Variants in HELZ observed in about 807,000 individuals in gnomAD.
HELZ encodes the protein helicase with zinc finger.
HELZ carries 23 observed loss-of-function variants against 218.2 expected under a neutral mutation model. The ratio of observed to expected loss-of-function variants is 0.11; its 90% confidence interval spans 0.08 to 0.15. The LOEUF is 0.15. Ranked by LOEUF, HELZ falls within the 10% of genes least tolerant of loss-of-function variation. HELZ has a pLI of 1.00. For synonymous variants in HELZ, 814 were observed against 829.4 expected (o/e 0.98, Z 0.32); for missense variants, 1,813 against 2,353.7 (o/e 0.77, Z 4.75).
intron 5 of HELZ, among the ~76,000 whole-genome samples, chr17:67,206,054 T>C (rs545388857): frequency 2.6e-5 from 4 of 152,258 alleles, no homozygotes; most frequent in East Asian, 1.9e-4. Context: ...TTGAAAAAGC[T>C]TGGGGGAAAA....
intron 13 of HELZ, among the ~76,000 whole-genome samples, chr17:67,173,846 C>T (rs1378064349): frequency 1.3e-5 from 2 of 152,022 alleles, no homozygotes; most frequent in South Asian, 2.1e-4. Context: ...ACCCATCTAA[C>T]GATGAAATGT....
intron 21 of HELZ, 22 bp from the exon 22 acceptor site, chr17:67,138,136 T>C: frequency 6.3e-7 from 1 of 1,576,040 alleles, no homozygotes. Context: ...AACACACACA[T>C]ACATATTAAA....
At chr17:67,088,849 A>T (rs115491598) in intron 31 of HELZ, among the ~76,000 whole-genome samples, 1,610 of 152,348 alleles carry the variant, frequency 0.011, 26 homozygotes, top group African/African-American at 0.035. Context: ...TCAACTAGGA[A>T]TGTAATCAGC....
chr17:67,160,650 T>C lies in HELZ; in HGVS notation c.2075+247A>G, dbSNP rs959373347. On this transcript the variant is annotated intron_variant, in intron 16 of 32. Coordinates refer to ENST00000358691, the MANE Select transcript of HELZ (RefSeq NM_014877.4). ...ATACCACAATTCCATAGCAAACTTG[T>C]TCTGATGGCTATTTAAAAACTATTT... Among the ~76,000 whole-genome samples, 11 of 152,310 alleles carry C rather than the reference T, an allele frequency of 7.2e-5. No homozygotes were observed. The South Asian group carries it at 8.3e-4, about 11-fold the overall frequency.
chr17:67,117,002 G>A (rs943735086), intron 27 of HELZ, among the ~76,000 whole-genome samples: 12 of 151,732 alleles, frequency 7.9e-5, no homozygotes, highest in Admixed American at 2.0e-4. Flanking sequence ...GATTACAGGC[G>A]TGCACCACCA....
chr17:67,227,754 T>C (rs568204108), intron 3 of HELZ, among the ~76,000 whole-genome samples: 68 of 152,360 alleles, frequency 4.5e-4, no homozygotes, highest in African/African-American at 1.6e-3. Context: ...CTTTCCACTC[T>C]GAACCTCTGT....
At chr17:67,102,864 T>A (rs1269303466) in intron 31 of HELZ, among the ~76,000 whole-genome samples, 1 of 152,152 alleles carries the variant, frequency 6.6e-6, no homozygotes, top group African/African-American at 2.4e-5. Context: ...AAGAACCCAC[T>A]GACAATGAAA....
Position 67,145,796 on chromosome 17 carries a change from G to A in HELZ, c.2716C>T (p.Arg906Ter), listed in dbSNP as rs1312644072. The A allele has an allele frequency of 1.2e-6, 2 of 1,612,474 alleles. No individual in the cohort carries two copies. Among genetic ancestry groups the A allele is most frequent in the Non-Finnish European group, 8.5e-7 (1 of 1,178,766 alleles). ...TTTTTTTCTTGTACATCTTCTCCTC[G>A]TGCTGTAAAGAAAGTTAGTGGGTAG... ...DFYPLTFFTA[R>*]GEDVQEKNST... The change falls in exon 21 of 33, where the codon CGA (arginine) becomes TGA (stop). Residue 906 changes from arginine to a stop codon, truncating the protein, a stop_gained. Transcript: ENST00000358691. LOFTEE classifies it high-confidence loss of function.
chr17:67,188,765 GT>G lies in HELZ; in HGVS notation c.865-150del, dbSNP rs1193451721. On this transcript the variant is annotated intron_variant, in intron 11 of 32. Transcript: ENST00000358691. The surrounding 1 kb of genome is among the most constrained non-coding windows in gnomAD (Gnocchi z 4.1). ...GCCATTTAAGAAAAAAATCAGAATGGTTTTTTAAAATCAGTTGTTAAAATTA... is the reference window on the plus strand; with the variant it reads ...GCCATTTAAGAAAAAAATCAGAATGGTTTTTAAAATCAGTTGTTAAAATTA... The G allele has an allele frequency of 3.2e-6, 2 of 617,530 alleles. No individual in the cohort carries two copies. Among genetic ancestry groups the G allele is most frequent in the East Asian group, 2.8e-5 (1 of 35,528 alleles). The allele number at this position is 617,530 out of a possible 1,614,324, so 38.3% of individuals were successfully genotyped here.
chr17:67,082,856 T>G (rs370008903), intron 32 of HELZ, among the ~76,000 whole-genome samples: 159 of 149,998 alleles, frequency 1.1e-3, no homozygotes, highest in South Asian at 3.6e-3. Flanking sequence ...TGTTTTTTTT[T>G]TTTGTTTTTT....
chr17:67,123,241 A>C lies in HELZ; in HGVS notation c.3440-81T>G, dbSNP rs1214582331. 11 of 761,120 alleles carry C rather than the reference A, an allele frequency of 1.4e-5. No individual in the cohort carries two copies. The Admixed American group carries it at 3.4e-4, about 24-fold the overall frequency. The allele number at this position is 761,120 out of a possible 1,614,324, so 47.1% of individuals were successfully genotyped here. The stretch of plus-strand genomic sequence containing the variant: ...AAAATAATTTAAATCATTCAACAGC[A>C]AAATATATTTCCCAGGTTTGCCTAA... On this transcript the variant is annotated intron_variant, in intron 25 of 32. Coordinates refer to ENST00000358691, the MANE Select transcript of HELZ (RefSeq NM_014877.4).
At chr17:67,089,668 T>TATATATATAGAG (rs71293575) in intron 31 of HELZ, among the ~76,000 whole-genome samples, 9 of 70,640 alleles carry the variant, frequency 1.3e-4, no homozygotes, top group Admixed American at 1.6e-4. Context: ...TATATATATA[T>TATATATATAGAG]AGAGAGAGAG....
intron 31 of HELZ, among the ~76,000 whole-genome samples, chr17:67,090,595 C>T (rs1403285524): frequency 6.6e-6 from 1 of 151,954 alleles, no homozygotes; most frequent in East Asian, 1.9e-4. Flanking sequence ...GTCCATATGC[C>T]ATCTATTTCA....
At chr17:67,124,550 G>A (rs1299405502) in intron 24 of HELZ, among the ~76,000 whole-genome samples, 1 of 152,114 alleles carries the variant, frequency 6.6e-6, no homozygotes, top group Admixed American at 6.5e-5. Context: ...AAGGGGAACT[G>A]TCATTATTTG....
chr17:67,148,105 G>C (rs546294637), intron 20 of HELZ, among the ~76,000 whole-genome samples: 1 of 152,298 alleles, frequency 6.6e-6, no homozygotes, highest in African/African-American at 2.4e-5. Flanking sequence ...GAAGCCAGCC[G>C]GTCAGAAGTA....
intron 4 of HELZ, among the ~76,000 whole-genome samples, chr17:67,217,042 C>A (rs751999558): frequency 2.6e-5 from 4 of 152,146 alleles, no homozygotes; most frequent in Non-Finnish European, 5.9e-5. Context: ...GCACTTCTAT[C>A]CCACAGTCTT....
chr17:67,242,797 T>C (rs2041361125), intron 2 of HELZ, among the ~76,000 whole-genome samples: 1 of 151,998 alleles, frequency 6.6e-6, no homozygotes. Context: ...TTCCTAAGTT[T>C]TTATTTTTTT....
chr17:67,231,613 A>C (rs1376490115), intron 3 of HELZ, among the ~76,000 whole-genome samples: 1 of 151,902 alleles, frequency 6.6e-6, no homozygotes, highest in Non-Finnish European at 1.5e-5. Flanking sequence ...AAAAAAAGAA[A>C]TGTACCAACA....
chr17:67,106,778 G>A (rs971721560), intron 31 of HELZ, among the ~76,000 whole-genome samples: 3 of 152,158 alleles, frequency 2.0e-5, no homozygotes, highest in Non-Finnish European at 2.9e-5. Context: ...CTTGGAGCTG[G>A]CACTGGCTGA....
Sources: gnomAD v4.1 joint callset for allele counts (sites outside exome capture counted in the v4.1 genomes callset) on GRCh38, gnomAD v4.1.1 for gene constraint, Gnocchi (gnomAD v3.1) non-coding constraint, MANE v1.5 for transcripts, NCBI Gene and HGNC (gene_info 2026-07-23, HGNC 2026-07-21) for gene names.